LCORL: variants seen among roughly 807,000 people sequenced by gnomAD.
The protein encoded by LCORL is ligand dependent nuclear receptor corepressor like.
A neutral mutation model predicts 141.8 loss-of-function variants in LCORL; 41 were observed. The observed-to-expected ratio is 0.29, with a 90% CI of 0.23 to 0.38. LCORL has a LOEUF of 0.38. LCORL is among the 10% of genes least tolerant of loss of function. LCORL has a pLI of 1.00. For synonymous variants in LCORL, 618 were observed against 694.1 expected, an observed-to-expected ratio of 0.89 and a Z score of 1.72; for missense variants, 1,759 against 2,035.0, an observed-to-expected ratio of 0.86 and a Z score of 2.61.
intron 1 of LCORL, among the ~76,000 whole-genome samples, chr4:18,014,888 A>T (rs1256498705): frequency 6.6e-6 from 1 of 152,194 alleles, no homozygotes; most frequent in Non-Finnish European, 1.5e-5. Flanking sequence ...TTCAGCTCTT[A>T]AGTATGAACT....
At chr4:17,853,581 G>A (rs1001420339) in intron 7 of LCORL, among the ~76,000 whole-genome samples, 1 of 152,188 alleles carries the variant, frequency 6.6e-6, no homozygotes, top group Non-Finnish European at 1.5e-5. Context: ...ACTGGGCTCT[G>A]GTACAGGATT....
At chr4:17,972,220 T>C (rs1716100740) in intron 2 of LCORL, among the ~76,000 whole-genome samples, 1 of 151,962 alleles carries the variant, frequency 6.6e-6, no homozygotes, top group East Asian at 1.9e-4. Flanking sequence ...ATATTTTCTA[T>C]AAATTCCTCA....
At chr4:17,982,484 T>C (rs1479121696) in intron 1 of LCORL, among the ~76,000 whole-genome samples, 1 of 147,072 alleles carries the variant, frequency 6.8e-6, no homozygotes, top group African/African-American at 2.5e-5. Flanking sequence ...TGGTGTGAGA[T>C]GTTATCTCAC....
chr4:17,880,212 A>G (rs550574590), intron 6 of LCORL: 72 of 153,158 alleles, frequency 4.7e-4, no homozygotes, highest in Non-Finnish European at 9.3e-4. Context: ...TCAGAAACTA[A>G]GATCTCAAAT....
chr4:17,844,975 T>TTTAAC (rs1722776924), exon 8 of LCORL: 1 of 152,098 alleles, frequency 6.6e-6, no homozygotes, highest in African/African-American at 2.4e-5. Context: ...AAGTCATCCC[T>TTTAAC]TTAACTTTAA....
chr4:17,892,295 A>C (rs1261892024), intron 5 of LCORL, among the ~76,000 whole-genome samples: 2 of 138,126 alleles, frequency 1.4e-5, no homozygotes, highest in African/African-American at 5.5e-5. Context: ...TGCAACCTCC[A>C]CCTCCTGGGT....
At chr4:17,854,612 T>A (rs928481130) in intron 7 of LCORL, among the ~76,000 whole-genome samples, 2 of 152,154 alleles carry the variant, frequency 1.3e-5, no homozygotes, top group African/African-American at 4.8e-5. Flanking sequence ...AGGGTGACCA[T>A]GAGGTCTAAA....
chr4:17,882,648 C>T (rs1328057774), intron 6 of LCORL: 1 of 984,492 alleles, frequency 1.0e-6, no homozygotes, highest in Non-Finnish European at 1.2e-6. Context: ...GATAATGTAT[C>T]GCCCACCAAA....
At chr4:17,999,678 G>C (rs992215280) in intron 1 of LCORL, among the ~76,000 whole-genome samples, 6 of 152,198 alleles carry the variant, frequency 3.9e-5, no homozygotes, top group African/African-American at 1.4e-4. Flanking sequence ...GTTTATCTCA[G>C]TGATTTAACT....
chr4:17,865,980 G>A (rs530314432), intron 7 of LCORL, among the ~76,000 whole-genome samples: 21 of 152,136 alleles, frequency 1.4e-4, no homozygotes, highest in Non-Finnish European at 2.8e-4. Flanking sequence ...TTAAATCTCC[G>A]CCCTAAGTGC....
At chr4:17,955,556 T>C (rs555286502) in intron 4 of LCORL, among the ~76,000 whole-genome samples, 1 of 152,244 alleles carries the variant, frequency 6.6e-6, no homozygotes, top group Non-Finnish European at 1.5e-5. Context: ...GTATATAGTA[T>C]AATAGAAGGT....
intron 4 of LCORL, among the ~76,000 whole-genome samples, chr4:17,935,340 G>A (rs971815660): frequency 3.3e-5 from 5 of 151,674 alleles, no homozygotes; most frequent in Admixed American, 2.6e-4. Context: ...ATATTTCCAT[G>A]AAAAAAAATA....
At chr4:17,988,471 C>T (rs944161339) in intron 1 of LCORL, among the ~76,000 whole-genome samples, 7 of 152,234 alleles carry the variant, frequency 4.6e-5, no homozygotes, top group Non-Finnish European at 8.8e-5. Context: ...CTAGGTTTCG[C>T]TATGTTTTGC....
At chr4:17,918,099 T>C (rs1374983134) in intron 4 of LCORL, among the ~76,000 whole-genome samples, 1 of 152,222 alleles carries the variant, frequency 6.6e-6, no homozygotes, top group Non-Finnish European at 1.5e-5. Context: ...CAATCATTAG[T>C]TGATTGATCA....
chr4:17,986,174 C>A (rs1718935432), intron 1 of LCORL, among the ~76,000 whole-genome samples: 1 of 152,164 alleles, frequency 6.6e-6, no homozygotes, highest in Non-Finnish European at 1.5e-5. Context: ...CCTGCGCTTT[C>A]TCTCCAGCTA....
At chr4:17,917,902 T>G (rs1265230103) in intron 4 of LCORL, among the ~76,000 whole-genome samples, 1 of 152,142 alleles carries the variant, frequency 6.6e-6, no homozygotes, top group African/African-American at 2.4e-5. Context: ...CACTTTAAAT[T>G]GCACTATCCT....
intron 7 of LCORL, among the ~76,000 whole-genome samples, chr4:17,858,354 G>GT (rs1453821826): frequency 1.3e-5 from 2 of 151,874 alleles, no homozygotes; most frequent in Non-Finnish European, 2.9e-5. Flanking sequence ...AGTGAATCGC[G>GT]TATCAGTGAC....
chr4:17,925,978 T>C lies in LCORL; in HGVS notation c.431-16633A>G, dbSNP rs182273319. Among the ~76,000 whole-genome samples, 3 of 152,068 alleles carry C rather than the reference T, an allele frequency of 2.0e-5. No individual in the cohort carries two copies. In the East Asian group the frequency reaches 5.8e-4, roughly 29 times the overall value. ...TCCTTTCTTTTCCCTTTATCGTGTGTCATAAGATTTACTGACCTAATATCG... is the reference window on the plus strand; with the variant it reads ...TCCTTTCTTTTCCCTTTATCGTGTGCCATAAGATTTACTGACCTAATATCG... On this transcript the variant is annotated intron_variant, in intron 4 of 7. Transcript: ENST00000635767.
chr4:17,972,835 G>A (rs938800505), exon 2 of LCORL: 3 of 1,432,662 alleles, frequency 2.1e-6, no homozygotes, highest in Admixed American at 2.8e-5. Flanking sequence ...AATAAACTGA[G>A]GTCTCTTCGT....
Sources: gnomAD v4.1 joint callset for allele counts (sites outside exome capture counted in the v4.1 genomes callset) on GRCh38, gnomAD v4.1.1 for gene constraint, MANE v1.5 for transcripts, NCBI Gene and HGNC (gene_info 2026-07-23, HGNC 2026-07-21) for gene names.